PTK2B: variants seen among roughly 807,000 people sequenced by gnomAD.
PTK2B encodes the protein protein-tyrosine kinase 2-beta.
Under a neutral mutation model 142.9 loss-of-function variants are expected in PTK2B, and 71 were observed. The ratio of observed to expected loss-of-function variants is 0.50; its 90% confidence interval spans 0.41 to 0.61. The LOEUF is 0.61. Ranked by LOEUF, PTK2B falls within the 20% of genes least tolerant of loss-of-function variation. The pLI is 0.00. For missense variants in PTK2B, 1,105 were observed against 1,320.4 expected (o/e 0.84, Z 2.53); for synonymous variants, 519 against 503.4 (o/e 1.03, Z -0.42).
upstream of PTK2B, among the ~76,000 whole-genome samples, chr8:27,323,759 G>A (rs1266723577): frequency 6.6e-6 from 1 of 152,136 alleles, no homozygotes; most frequent in African/African-American, 2.4e-5. Context: ...GTTTCTCAAT[G>A]TCTTTTTCAT....
At position 27,437,485 on chromosome 8, in the gene PTK2B, C is replaced by A. The variant is rs369129837; in HGVS notation, c.1516C>A (p.Pro506Thr). The A allele has an allele frequency of 6.2e-7, 1 of 1,607,852 alleles. No homozygotes were observed. The highest frequency in any genetic ancestry group is 1.3e-5 in the African/African-American group (1 of 74,634). The stretch of plus-strand genomic sequence containing the variant: ...CACCTGGATCATCATGGAATTGTAT[C>A]CCTATGGGGAGGTGAGCTGGAGGAC... ...EPTWIIMELY[P>T]YGELGHYLER... is the part of the protein sequence containing the mutation. Residue 506 changes from proline (P) to threonine (T), a missense_variant, in exon 17 of 31, where the codon CCC becomes ACC. Coordinates refer to ENST00000346049, the MANE Select transcript of PTK2B (RefSeq NM_173176.3).
chr8:27,365,348 C>T (rs1805958543), intron 1 of PTK2B, among the ~76,000 whole-genome samples: 1 of 152,210 alleles, frequency 6.6e-6, no homozygotes, highest in Admixed American at 6.5e-5. Context: ...TGATTGTAGT[C>T]ACAATTCCCG....
At chr8:27,392,530 C>A (rs1469880201) in intron 1 of PTK2B, among the ~76,000 whole-genome samples, 2 of 152,120 alleles carry the variant, frequency 1.3e-5, no homozygotes, top group Non-Finnish European at 2.9e-5. Flanking sequence ...GGCAGCATTA[C>A]CCTACTTTAT....
rs145396684 is a variant in PTK2B, at chr8:27,451,049, A to G, written c.2494A>G (p.Met832Val). 1.1e-5 allele frequency: 18 copies of G among 1,612,410 alleles called. No homozygotes were observed. The highest frequency in any genetic ancestry group is 4.4e-5 in the South Asian group (4 of 91,044). The part of the protein sequence containing the change: ...LRQEEKSLDP[M>V]VYMNDKSPLT... ...CTTGTTTCTTCCTCTGCAGGACCCCATGGTTTATATGAATGATAAGTCCCC... is the reference window on the plus strand; with the variant it reads ...CTTGTTTCTTCCTCTGCAGGACCCCGTGGTTTATATGAATGATAAGTCCCC... Residue 832 changes from methionine (M) to valine (V), a missense_variant, in exon 26 of 31, where the codon ATG (methionine) becomes GTG (valine). Coordinates refer to ENST00000346049, the MANE Select transcript of PTK2B (RefSeq NM_173176.3).
At chr8:27,456,619 C>T (rs1812157209) in intron 30 of PTK2B, among the ~76,000 whole-genome samples, 1 of 152,168 alleles carries the variant, frequency 6.6e-6, no homozygotes, top group Non-Finnish European at 1.5e-5. Context: ...AAGGAAGGGT[C>T]ACCCACCTCT....
At chr8:27,430,447 T>C in intron 7 of PTK2B, 29 bp downstream of exon 7, 1 of 1,612,482 alleles carries the variant, frequency 6.2e-7, no homozygotes, top group Non-Finnish European at 8.5e-7. Flanking sequence ...GAGGACCTCT[T>C]CGTGCTGATT....
intron 2 of PTK2B, among the ~76,000 whole-genome samples, chr8:27,407,567 C>G (rs931704141): frequency 1.6e-4 from 25 of 152,288 alleles, no homozygotes; most frequent in African/African-American, 5.5e-4. Context: ...CCTTCAACCA[C>G]CTGTACCCCT....
chr8:27,454,451 C>T lies in PTK2B; in HGVS notation c.2734-80C>T. The T allele has an allele frequency of 6.4e-6, 10 of 1,565,034 alleles. No individual in the cohort carries two copies. In the South Asian group the frequency reaches 1.1e-4, roughly 18 times the overall value. ...CACTCGCGGGGGACAAGCACCACCC[C>T]AGGAGAGCTCTTCCCAGGGGAAACC... On this transcript the variant is annotated intron_variant, in intron 29 of 30. Transcript: ENST00000346049.
chr8:27,447,816 G>A (rs570371043), intron 24 of PTK2B, among the ~76,000 whole-genome samples: 13 of 152,236 alleles, frequency 8.5e-5, no homozygotes, highest in Non-Finnish European at 1.6e-4. Context: ...CTGAGATCAC[G>A]CCACTGCACT....
chr8:27,442,494 G>A (rs1811212338), intron 21 of PTK2B, among the ~76,000 whole-genome samples: 1 of 152,220 alleles, frequency 6.6e-6, no homozygotes, highest in South Asian at 2.1e-4. Context: ...CTAGGCCAGG[G>A]CCATGAAGTT....
At chr8:27,428,343 G>T (rs569861732) in intron 5 of PTK2B, among the ~76,000 whole-genome samples, 1 of 152,238 alleles carries the variant, frequency 6.6e-6, no homozygotes, top group South Asian at 2.1e-4. Flanking sequence ...TGGTCCAGGG[G>T]TTGGGGACCT....
At chr8:27,317,043 G>A (rs2130533443) in intron 3 of PTK2B, among the ~76,000 whole-genome samples, 1 of 152,200 alleles carries the variant, frequency 6.6e-6, no homozygotes, top group East Asian at 1.9e-4. Context: ...TCTCTGGTCA[G>A]CCTATGGCTT....
chr8:27,401,481 C>T (rs1337123406), intron 2 of PTK2B, among the ~76,000 whole-genome samples: 7 of 152,018 alleles, frequency 4.6e-5, no homozygotes, highest in Non-Finnish European at 1.5e-5. Context: ...ATAGTGGAGA[C>T]AGTGAGTATA....
intron 2 of PTK2B, among the ~76,000 whole-genome samples, chr8:27,413,324 G>A (rs566198297): frequency 2.5e-4 from 38 of 152,304 alleles, no homozygotes; most frequent in South Asian, 8.3e-4. Context: ...GGAAGTCAGC[G>A]TTGCTATAAC....
chr8:27,310,868 C>A, upstream of PTK2B: 2 of 1,611,592 alleles, frequency 1.2e-6, no homozygotes, highest in African/African-American at 1.3e-5. Flanking sequence ...GTCGGCCTGG[C>A]AGGAGCAGCA....
chr8:27,399,219 CAGAG>C (rs769617618), intron 2 of PTK2B, among the ~76,000 whole-genome samples: 15 of 152,172 alleles, frequency 9.9e-5, no homozygotes, highest in Non-Finnish European at 1.6e-4. Flanking sequence ...TGCTGAAAAA[CAGAG>C]AGCAGCAGGT....
At chr8:27,360,481 G>A (rs1011683794) in intron 1 of PTK2B, among the ~76,000 whole-genome samples, 1 of 152,192 alleles carries the variant, frequency 6.6e-6, no homozygotes, top group Non-Finnish European at 1.5e-5. Context: ...GACAGCCCAA[G>A]AGCATTCAGT....
At position 27,458,522 on chromosome 8, in the gene PTK2B, G is replaced by GC. The variant is rs746574745; in HGVS notation, c.*15dup. ...ACCTGCAGAGTGACGGAGGGTGGGG[G>GC]CCACCTGCCTGCGTCTTCCGCCCCT... On this transcript the variant is annotated 3_prime_UTR_variant, in exon 31 of 31. Transcript: ENST00000346049. 6.4e-7 allele frequency: 1 copy of GC among 1,554,510 alleles called. No homozygotes were observed.
At chr8:27,393,719 G>A (rs767893231) in intron 1 of PTK2B, among the ~76,000 whole-genome samples, 2 of 152,088 alleles carry the variant, frequency 1.3e-5, no homozygotes, top group African/African-American at 4.8e-5. Flanking sequence ...AAATTGAGCC[G>A]AAAGTGCAGA....
Sources: gnomAD v4.1 joint callset for allele counts (sites outside exome capture counted in the v4.1 genomes callset) on GRCh38, gnomAD v4.1.1 for gene constraint, MANE v1.5 for transcripts, NCBI Gene and HGNC (gene_info 2026-07-23, HGNC 2026-07-21) for gene names.